Variants in MUSK observed in about 807,000 individuals in gnomAD.
MUSK encodes the protein muscle, skeletal receptor tyrosine-protein kinase.
MUSK carries 55 observed loss-of-function variants against 88.7 expected under a neutral mutation model. The ratio of observed to expected loss-of-function variants is 0.62; its 90% CI spans 0.50 to 0.78. The LOEUF (loss-of-function observed/expected upper bound fraction) is 0.78. Among genes scored for constraint, MUSK ranks in the 30% least tolerant of loss-of-function variants. The probability of loss-of-function intolerance (pLI) is 0.00; values close to 1 mark genes in which losing one functional copy is unlikely to be tolerated. For synonymous variants in MUSK, 387 were observed against 391.9 expected (o/e 0.99, Z 0.15); for missense variants, 1,015 against 1,074.3 (o/e 0.94, Z 0.77).
intron 10 of MUSK, 67 bp downstream of exon 10, chr9:110,776,030 G>T: frequency 6.7e-7 from 1 of 1,486,394 alleles, no homozygotes; most frequent in Non-Finnish European, 9.0e-7. Flanking sequence ...AAACTAAGGT[G>T]TGAACTTAAA....
chr9:110,747,710 A>G lies in MUSK; in HGVS notation c.823A>G (p.Thr275Ala), dbSNP rs981045233. 21 of 1,613,680 alleles carry G rather than the reference A, an allele frequency of 1.3e-5. No individual in the cohort carries two copies. Among genetic ancestry groups the G allele is most frequent in the Non-Finnish European group, 1.8e-5 (21 of 1,179,794 alleles). The change falls in exon 7 of 15, where the codon ACC becomes GCC. Residue 275 changes from threonine to alanine, a missense_variant. Thr to Ala is a moderately conservative substitution (Grantham distance 58). Transcript: ENST00000374448. ...TGACTCAAGACTGCAGCTGTTTATC[A>G]CCAAGCCAGGACTCTACACATGCAT... ...VIDSRLQLFI[T>A]KPGLYTCIAT...
chr9:110,800,989 G>C lies in MUSK; in HGVS notation c.*1G>C, dbSNP rs199785339. ...GGCAGAGGGAACTGTGAGTGTCTAA[G>C]GTTGAAGACGTTCAAATAAAATGCT... is the stretch of plus-strand genomic sequence containing the variant. On this transcript the variant is annotated 3_prime_UTR_variant, in exon 15 of 15. Transcript: ENST00000374448. 2 of 1,507,280 alleles carry C rather than the reference G, an allele frequency of 1.3e-6. No individual in the cohort carries two copies. The highest frequency in any genetic ancestry group is 1.4e-5 in the African/African-American group (1 of 71,694). The allele number at this position is 1,507,280 out of a possible 1,614,324, so 93.4% of individuals were successfully genotyped here. A position where few individuals can be genotyped will look rare whatever the true frequency, so the allele number is the denominator to read the frequency against.
intron 3 of MUSK, among the ~76,000 whole-genome samples, chr9:110,689,763 A>T (rs1475719807): frequency 1.8e-5 from 1 of 54,962 alleles, no homozygotes; most frequent in Non-Finnish European, 3.1e-5. Context: ...TATATAAACT[A>T]TATATATCAC....
At chr9:110,695,667 TCTGTTTGCATATATGCAAA>T in intron 4 of MUSK, 137 bp downstream of exon 4, 1 of 733,452 alleles carries the variant, frequency 1.4e-6, no homozygotes, top group Middle Eastern at 3.8e-4. Context: ...TGTAAATATT[TCTGTTTGCATATATGCAAA>T]CTGCATGGCA....
intron 5 of MUSK, chr9:110,706,338 G>T (rs973276485): frequency 1.0e-5 from 3 of 298,408 alleles, no homozygotes; most frequent in Non-Finnish European, 2.0e-5. Flanking sequence ...TTTATTTGCT[G>T]CCTATTCATT....
rs531406067 is a variant in MUSK at position 110,797,895 on chromosome 9, A to G, written c.1928-2411A>G. 6.6e-5 allele frequency among the ~76,000 whole-genome samples: 10 copies of G among 152,320 alleles called. No individual in the cohort carries two copies. In the South Asian group the frequency reaches 2.1e-3, roughly 32 times the overall value. ...ACTCTGTATTCGTATACAGTTTATA[A>G]CATCCTGAATTCCTGAAATTGATTC... On this transcript the variant is annotated intron_variant, in intron 14 of 14. Transcript: ENST00000374448.
rs576317944 is a variant in MUSK, at chr9:110,802,043, TTATAA to T, written c.*1059_*1063del. ...CTATTTAAATCTCTTAAACCATAAT[TTATAA>T]TATGAGATTTCACAAGATACACTTG... is the stretch of plus-strand genomic sequence containing the variant. On this transcript the variant is annotated 3_prime_UTR_variant, in exon 15 of 15. Transcript: ENST00000374448. Among the ~76,000 whole-genome samples, 541 of 152,300 alleles carry T rather than the reference TTATAA, an allele frequency of 3.6e-3. 3 individuals carry two copies. The highest frequency in any genetic ancestry group is 0.012 in the African/African-American group (517 of 41,566).
At chr9:110,669,635 G>A (rs2075931765) in intron 1 of MUSK, among the ~76,000 whole-genome samples, 1 of 152,076 alleles carries the variant, frequency 6.6e-6, no homozygotes, top group African/African-American at 2.4e-5. Context: ...CAGGGGAAAG[G>A]AAAGCAACTT....
At chr9:110,781,883 GATC>G (rs1431541388) in intron 11 of MUSK, among the ~76,000 whole-genome samples, 9 of 152,112 alleles carry the variant, frequency 5.9e-5, no homozygotes, top group Non-Finnish European at 1.2e-4. Context: ...CAAAGACTCA[GATC>G]ATCATAACCT....
intron 6 of MUSK, among the ~76,000 whole-genome samples, chr9:110,746,040 C>A (rs948667784): frequency 2.0e-5 from 3 of 152,146 alleles, no homozygotes; most frequent in African/African-American, 7.2e-5. Context: ...ATAATTGGCT[C>A]CAAAATGTCT....
chr9:110,798,485 T>C (rs2078046016), intron 14 of MUSK, among the ~76,000 whole-genome samples: 1 of 152,190 alleles, frequency 6.6e-6, no homozygotes, highest in Non-Finnish European at 1.5e-5. Context: ...GGTGAGATTA[T>C]TCATTGAAGA....
At chr9:110,753,616 A>T (rs1344756734) in intron 7 of MUSK, among the ~76,000 whole-genome samples, 1 of 152,084 alleles carries the variant, frequency 6.6e-6, no homozygotes. Flanking sequence ...CACCCCTCTA[A>T]TGTAAGCCGC....
intron 3 of MUSK, 119 bp from the exon 4 acceptor site, chr9:110,695,284 A>G (rs2076416937): frequency 2.8e-6 from 2 of 707,916 alleles, no homozygotes; most frequent in Non-Finnish European, 2.2e-6. Flanking sequence ...GAATTTTGTA[A>G]TGTAACATGC....
chr9:110,771,341 C>T (rs1474466942), intron 9 of MUSK, among the ~76,000 whole-genome samples: 2 of 151,818 alleles, frequency 1.3e-5, no homozygotes, highest in African/African-American at 2.4e-5. Flanking sequence ...TCACCTGCCT[C>T]GGTCTCCCAA....
intron 5 of MUSK, among the ~76,000 whole-genome samples, chr9:110,702,764 A>C (rs920747013): frequency 3.3e-5 from 5 of 152,082 alleles, no homozygotes; most frequent in African/African-American, 1.2e-4. Context: ...GTGGTGGTAC[A>C]TGCCTCTAGT....
intron 11 of MUSK, among the ~76,000 whole-genome samples, chr9:110,777,648 G>C (rs1308034485): frequency 6.6e-6 from 1 of 152,008 alleles, no homozygotes; most frequent in Non-Finnish European, 1.5e-5. Flanking sequence ...TGTGCTCTTT[G>C]TTATCCATCG....
chr9:110,691,816 CAG>C (rs2076359769), intron 3 of MUSK, among the ~76,000 whole-genome samples: 1 of 151,954 alleles, frequency 6.6e-6, no homozygotes, highest in Non-Finnish European at 1.5e-5. Flanking sequence ...GTACTTTTTT[CAG>C]AGTGTGAAGA....
chr9:110,800,020 A>G (rs1420110115), intron 14 of MUSK, among the ~76,000 whole-genome samples: 1 of 152,178 alleles, frequency 6.6e-6, no homozygotes, highest in African/African-American at 2.4e-5. Flanking sequence ...TTGATGCACC[A>G]TGTACGATGT....
chr9:110,690,174 A>ATTT, intron 3 of MUSK, among the ~76,000 whole-genome samples: 1 of 106,088 alleles, frequency 9.4e-6, no homozygotes, highest in African/African-American at 3.9e-5. Flanking sequence ...ATAAATATAT[A>ATTT]AATATATATT....
Sources: gnomAD v4.1 joint callset for allele counts (sites outside exome capture counted in the v4.1 genomes callset) on GRCh38, gnomAD v4.1.1 for gene constraint, MANE v1.5 for transcripts, NCBI Gene and HGNC (gene_info 2026-07-23, HGNC 2026-07-21) for gene names.